The following UGGT2 variants were observed in gnomAD, a reference collection of about 807,000 sequenced individuals.
The protein encoded by UGGT2 is UDP-glucose:glycoprotein glucosyltransferase 2.
A neutral mutation model predicts 192.1 loss-of-function variants in UGGT2; 180 were observed. The ratio of observed to expected loss-of-function variants is 0.94; its 90% confidence interval spans 0.83 to 1.06. UGGT2 has a LOEUF of 1.06. Among genes scored for constraint, UGGT2 ranks in the 50% least tolerant of loss-of-function variants. UGGT2 has a pLI of 0.00. For missense variants in UGGT2, 1,849 were observed against 1,795.7 expected (o/e 1.03, Z -0.54); for synonymous variants, 580 against 591.0 (o/e 0.98, Z 0.27).
intron 12 of UGGT2, among the ~76,000 whole-genome samples, chr13:95,958,277 G>A (rs574984007): frequency 1.4e-4 from 21 of 151,820 alleles, no homozygotes; most frequent in Non-Finnish European, 2.5e-4. Flanking sequence ...TCAGCCTCCC[G>A]AGTAGCTGGG....
At chr13:96,021,823 AAC>A (rs1446984437) in intron 4 of UGGT2, among the ~76,000 whole-genome samples, 3 of 152,186 alleles carry the variant, frequency 2.0e-5, no homozygotes, top group Admixed American at 6.6e-5. Context: ...AGCAGGTGTG[AAC>A]AGAGAAACAT....
chr13:95,806,016 A>G (rs540918978), intron 38 of UGGT2, among the ~76,000 whole-genome samples: 1 of 149,950 alleles, frequency 6.7e-6, no homozygotes, highest in Non-Finnish European at 1.5e-5. Flanking sequence ...GAGAACAGAG[A>G]TAAGGGGGAA....
chr13:95,836,998 G>A, intron 37 of UGGT2, 88 bp downstream of exon 37: 1 of 1,000,446 alleles, frequency 1.0e-6, no homozygotes, highest in East Asian at 2.4e-5. Flanking sequence ...TAATACGTAT[G>A]CCACTCCCTT....
At chr13:96,044,509 G>A (rs766537659) in intron 1 of UGGT2, among the ~76,000 whole-genome samples, 5 of 151,898 alleles carry the variant, frequency 3.3e-5, no homozygotes, top group Non-Finnish European at 5.9e-5. Flanking sequence ...GATTAGAGCA[G>A]AACTAAATGA....
intron 20 of UGGT2, among the ~76,000 whole-genome samples, chr13:95,917,719 T>C (rs2048724228): frequency 6.6e-6 from 1 of 151,792 alleles, no homozygotes. Context: ...TGGAGGAAAA[T>C]TTACAAGCAA....
chr13:95,964,264 T>C (rs965795410), intron 12 of UGGT2, among the ~76,000 whole-genome samples: 2 of 152,110 alleles, frequency 1.3e-5, no homozygotes, highest in Non-Finnish European at 2.9e-5. Flanking sequence ...CTGATATCGA[T>C]ATGCAGAATA....
intron 9 of UGGT2, chr13:95,985,189 G>A (rs1163931395): frequency 2.8e-5 from 24 of 842,150 alleles, no homozygotes; most frequent in Admixed American, 7.5e-5. Context: ...TTTTTATAAC[G>A]GCCATTAATT....
At chr13:95,858,977 C>A (rs1415611394) in intron 33 of UGGT2, among the ~76,000 whole-genome samples, 3 of 152,110 alleles carry the variant, frequency 2.0e-5, no homozygotes, top group African/African-American at 7.2e-5. Flanking sequence ...TTGAATGAGA[C>A]ACCAAATTGC....
intron 1 of UGGT2, among the ~76,000 whole-genome samples, chr13:96,045,832 A>G (rs1355109244): frequency 2.0e-5 from 3 of 152,218 alleles, no homozygotes; most frequent in African/African-American, 7.2e-5. Flanking sequence ...GAAAGAAATC[A>G]TAGACGACAC....
intron 15 of UGGT2, among the ~76,000 whole-genome samples, chr13:95,946,209 T>G (rs2049862261): frequency 6.6e-6 from 1 of 152,204 alleles, no homozygotes; most frequent in Non-Finnish European, 1.5e-5. Context: ...TTAATCAGGT[T>G]CTTACCAATT....
intron 36 of UGGT2, among the ~76,000 whole-genome samples, chr13:95,852,367 T>C (rs1889137811): frequency 6.6e-6 from 1 of 152,178 alleles, no homozygotes; most frequent in African/African-American, 2.4e-5. Context: ...TAGGCCTCCA[T>C]CTAAAATTTA....
intron 30 of UGGT2, among the ~76,000 whole-genome samples, chr13:95,864,737 TTAAC>T (rs775099695): frequency 5.9e-5 from 9 of 152,228 alleles, no homozygotes; most frequent in African/African-American, 9.6e-5. Context: ...AGTTCAACAA[TTAAC>T]TGTTTCTTTC....
At chr13:95,846,073 C>T (rs1288945224) in intron 36 of UGGT2, among the ~76,000 whole-genome samples, 14 of 152,222 alleles carry the variant, frequency 9.2e-5, no homozygotes, top group Admixed American at 4.6e-4. Flanking sequence ...GCAAGGCAGG[C>T]GGCTGGGAGG....
intron 29 of UGGT2, among the ~76,000 whole-genome samples, chr13:95,873,184 A>C (rs1340853136): frequency 6.6e-6 from 1 of 152,242 alleles, no homozygotes; most frequent in Non-Finnish European, 1.5e-5. Context: ...AAAAGCTGAA[A>C]CAAAGCATGA....
intron 36 of UGGT2, among the ~76,000 whole-genome samples, chr13:95,850,397 C>G (rs1888920519): frequency 6.6e-6 from 1 of 152,158 alleles, no homozygotes; most frequent in Non-Finnish European, 1.5e-5. Flanking sequence ...ATGGGAGTGG[C>G]ATAAACTGTT....
intron 12 of UGGT2, among the ~76,000 whole-genome samples, chr13:95,959,102 C>A (rs2050306279): frequency 6.6e-6 from 1 of 152,206 alleles, no homozygotes; most frequent in Admixed American, 6.5e-5. Flanking sequence ...GCCTAACAGC[C>A]CCCGCATCTC....
At chr13:95,970,285 GTTTTA>G (rs775619318) in intron 11 of UGGT2, 23 bp from the exon 12 acceptor site, 55 of 1,561,318 alleles carry the variant, frequency 3.5e-5, no homozygotes, top group Non-Finnish European at 4.4e-5. Flanking sequence ...AGAAAAAACA[GTTTTA>G]TTTTGATTTT....
chr13:95,838,672 C>A (rs1280479468), intron 36 of UGGT2, among the ~76,000 whole-genome samples: 1 of 151,854 alleles, frequency 6.6e-6, no homozygotes, highest in Non-Finnish European at 1.5e-5. Flanking sequence ...TTTTTGTAAA[C>A]CTAAGACTGC....
At chr13:95,853,797 G>T in intron 35 of UGGT2, 140 bp from the exon 36 acceptor site, 1 of 544,186 alleles carries the variant, frequency 1.8e-6, no homozygotes, top group Non-Finnish European at 3.0e-6. Context: ...TCATAAATTT[G>T]CTCCTAATAT....
Sources: gnomAD v4.1 joint callset for allele counts (sites outside exome capture counted in the v4.1 genomes callset) on GRCh38, gnomAD v4.1.1 for gene constraint, MANE v1.5 for transcripts, NCBI Gene and HGNC (gene_info 2026-07-23, HGNC 2026-07-21) for gene names.